Variants in CAMK4 observed in about 807,000 individuals in gnomAD.
CAMK4 encodes calcium/calmodulin dependent protein kinase IV.
In CAMK4, 22 loss-of-function variants were observed where a neutral mutation model predicts 44.9. The observed-to-expected ratio is 0.49, with a 90% CI of 0.35 to 0.70. CAMK4 has a LOEUF of 0.70. CAMK4 is among the 30% of genes least tolerant of loss of function. The pLI, the probability that CAMK4 is intolerant of heterozygous loss-of-function variation, is 0.01. For synonymous variants in CAMK4, 218 were observed against 215.4 expected (o/e 1.01, Z -0.11); for missense variants, 498 against 586.8 (o/e 0.85, Z 1.56).
At chr5:111,407,611 AAAC>A (rs1319221087) in intron 5 of CAMK4, among the ~76,000 whole-genome samples, 1 of 152,208 alleles carries the variant, frequency 6.6e-6, no homozygotes, top group Non-Finnish European at 1.5e-5. Flanking sequence ...TATCTTAAAC[AAAC>A]AACAACAACA....
At chr5:111,421,835 C>T (rs1432134502) in intron 5 of CAMK4, among the ~76,000 whole-genome samples, 1 of 152,142 alleles carries the variant, frequency 6.6e-6, no homozygotes, top group East Asian at 1.9e-4. Flanking sequence ...TTGGAGGTAA[C>T]TGAATCATGG....
chr5:111,405,895 T>A (rs956368022), intron 5 of CAMK4, among the ~76,000 whole-genome samples: 2 of 152,134 alleles, frequency 1.3e-5, no homozygotes, highest in African/African-American at 4.8e-5. Context: ...CCAACTAAGC[T>A]CAAAATTTCC....
At chr5:111,251,759 G>A (rs1437651152) in intron 1 of CAMK4, among the ~76,000 whole-genome samples, 1 of 152,176 alleles carries the variant, frequency 6.6e-6, no homozygotes, top group South Asian at 2.1e-4. Flanking sequence ...AGCTGTGATG[G>A]CAGGGAAAGT....
intron 8 of CAMK4, among the ~76,000 whole-genome samples, chr5:111,474,160 A>G (rs570824766): frequency 6.6e-6 from 1 of 152,362 alleles, no homozygotes; most frequent in Non-Finnish European, 1.5e-5. Context: ...TGCCATTTAG[A>G]GAGTACTACA....
intron 1 of CAMK4, among the ~76,000 whole-genome samples, chr5:111,238,366 G>T (rs1029398733): frequency 6.6e-6 from 1 of 152,230 alleles, no homozygotes; most frequent in Non-Finnish European, 1.5e-5. Context: ...TTTAGGTGAG[G>T]TGATGAGGCA....
chr5:111,386,488 C>T (rs886555564), intron 4 of CAMK4, among the ~76,000 whole-genome samples: 2 of 152,154 alleles, frequency 1.3e-5, no homozygotes, highest in Non-Finnish European at 2.9e-5. Context: ...AAGTCTGGGG[C>T]CTCAGGATAT....
chr5:111,299,934 C>T (rs1038112462), intron 1 of CAMK4, among the ~76,000 whole-genome samples: 1 of 152,094 alleles, frequency 6.6e-6, no homozygotes, highest in Non-Finnish European at 1.5e-5. Context: ...TTAAATGTCA[C>T]CTGTGGTGAG....
In CAMK4 at chr5:111,451,507, C is replaced by T. The variant is rs370610001; in HGVS notation, c.625+2304C>T. 1.5e-4 allele frequency among the ~76,000 whole-genome samples: 23 copies of T among 152,146 alleles called. No homozygotes were observed. The South Asian group carries it at 2.1e-3, about 14-fold the overall frequency. ...TTCGCTATGTTGGCCAGGCTGGTCTCGAACTCCAGGCCTGAAGTGATCCTC... is the reference window on the plus strand; with the variant it reads ...TTCGCTATGTTGGCCAGGCTGGTCTTGAACTCCAGGCCTGAAGTGATCCTC... On this transcript the variant is annotated intron_variant, in intron 7 of 10. Coordinates refer to ENST00000282356, the MANE Select transcript of CAMK4 (RefSeq NM_001744.6).
intron 1 of CAMK4, among the ~76,000 whole-genome samples, chr5:111,258,559 G>A (rs548411148): frequency 4.6e-5 from 7 of 152,214 alleles, no homozygotes; most frequent in African/African-American, 7.2e-5. Context: ...ATCAGATCTC[G>A]TGAGACTGAT....
intron 4 of CAMK4, among the ~76,000 whole-genome samples, chr5:111,391,805 C>T (rs1017568450): frequency 3.3e-5 from 5 of 152,274 alleles, no homozygotes; most frequent in East Asian, 3.9e-4. Context: ...TTTCATAAAA[C>T]ATGTCTTAAA....
intron 2 of CAMK4, among the ~76,000 whole-genome samples, chr5:111,353,314 G>C (rs1750192269): frequency 6.6e-6 from 1 of 151,984 alleles, no homozygotes; most frequent in Non-Finnish European, 1.5e-5. Context: ...CACCGAGATA[G>C]TAAATACAGA....
At chr5:111,350,245 A>G (rs1186684883) in intron 2 of CAMK4, among the ~76,000 whole-genome samples, 1 of 152,194 alleles carries the variant, frequency 6.6e-6, no homozygotes, top group East Asian at 1.9e-4. Flanking sequence ...TACATGATGA[A>G]CATTATTCTT....
At chr5:111,329,519 T>C (rs1057259063) in intron 1 of CAMK4, among the ~76,000 whole-genome samples, 3 of 151,888 alleles carry the variant, frequency 2.0e-5, no homozygotes, top group Non-Finnish European at 4.4e-5. Flanking sequence ...TATAAATATT[T>C]AAGAGAAAAT....
At chr5:111,391,441 G>A (rs1751794781) in intron 4 of CAMK4, among the ~76,000 whole-genome samples, 4 of 152,050 alleles carry the variant, frequency 2.6e-5, no homozygotes, top group African/African-American at 9.7e-5. Flanking sequence ...CGTGGATGGA[G>A]CTGGAGGTCA....
chr5:111,282,445 A>T (rs1365372435), intron 1 of CAMK4, among the ~76,000 whole-genome samples: 2 of 152,230 alleles, frequency 1.3e-5, no homozygotes, highest in Non-Finnish European at 2.9e-5. Flanking sequence ...TCAGTACTGT[A>T]AGGATATATT....
At chr5:111,280,133 A>T (rs947284527) in intron 1 of CAMK4, among the ~76,000 whole-genome samples, 3 of 152,246 alleles carry the variant, frequency 2.0e-5, no homozygotes, top group African/African-American at 7.2e-5. Context: ...GTTTTTATTT[A>T]TCTGATTGTG....
intron 1 of CAMK4, among the ~76,000 whole-genome samples, chr5:111,338,715 G>A (rs1412765418): frequency 6.6e-6 from 1 of 151,314 alleles, no homozygotes; most frequent in Non-Finnish European, 1.5e-5. Flanking sequence ...TATTGAATAG[G>A]GAGAACTTTT....
rs11351159 is a variant in CAMK4 at position 111,425,162 on chromosome 5, T to TAA, written c.460-21505_460-21504dup. 5.4e-4 allele frequency among the ~76,000 whole-genome samples: 69 copies of TAA among 128,260 alleles called. 1 individual carries two copies. The highest frequency in any genetic ancestry group is 4.0e-3 in the Middle Eastern group (1 of 250). The allele number at this position is 128,260 out of a possible 152,430, so 84.1% of individuals were successfully genotyped here. ...TGGGTGACAGACCAAGACGCTGTCTTAAAAAAAAAAAAAAAAAAAAGTTTA... is the reference window on the plus strand; with the variant it reads ...TGGGTGACAGACCAAGACGCTGTCTTAAAAAAAAAAAAAAAAAAAAAAGTTTA... On this transcript the variant is annotated intron_variant, in intron 5 of 10. Coordinates refer to ENST00000282356, the MANE Select transcript of CAMK4 (RefSeq NM_001744.6).
intron 1 of CAMK4, among the ~76,000 whole-genome samples, chr5:111,248,975 G>A (rs1442707890): frequency 6.8e-6 from 1 of 147,176 alleles, no homozygotes; most frequent in Non-Finnish European, 1.5e-5. Flanking sequence ...TGTGTGGGGG[G>A]GTCACCTTAA....
Sources: allele counts gnomAD v4.1 joint callset (sites outside exome capture counted in the v4.1 genomes callset), GRCh38; gene constraint gnomAD v4.1.1; transcripts MANE v1.5; gene names NCBI Gene and HGNC (gene_info 2026-07-23, HGNC 2026-07-21).